Variants in MTUS2 observed in about 807,000 individuals in gnomAD.
MTUS2 encodes the protein microtubule associated scaffold protein 2.
MTUS2 carries 40 observed loss-of-function variants against 114.1 expected under a neutral mutation model. The ratio of observed to expected loss-of-function variants is 0.35; its 90% CI spans 0.27 to 0.46. The LOEUF (loss-of-function observed/expected upper bound fraction) is 0.46. MTUS2 is among the 20% of genes least tolerant of loss of function. MTUS2 has a pLI of 1.00. For synonymous variants in MTUS2, 688 were observed against 672.0 expected (o/e 1.02, Z -0.37); for missense variants, 1,679 against 1,705.4 (o/e 0.98, Z 0.27).
chr13:29,440,856 G>A (rs1159902487), intron 9 of MTUS2, among the ~76,000 whole-genome samples: 6 of 152,180 alleles, frequency 3.9e-5, no homozygotes, highest in African/African-American at 1.4e-4. Context: ...TCCTTGGCAA[G>A]TAGCCAGCCA....
chr13:29,352,770 G>A (rs1425108469), intron 7 of MTUS2, among the ~76,000 whole-genome samples: 1 of 152,114 alleles, frequency 6.6e-6, no homozygotes, highest in East Asian at 1.9e-4. Context: ...CATTTTGGTT[G>A]TTTCACTTTT....
At chr13:29,258,043 CTG>C (rs545463513) in intron 5 of MTUS2, among the ~76,000 whole-genome samples, 266 of 152,336 alleles carry the variant, frequency 1.7e-3, no homozygotes, top group Non-Finnish European at 3.1e-3. Context: ...TTTTCTATTG[CTG>C]CCTAACTAAT....
At chr13:29,266,717 G>A (rs1897680600) in intron 5 of MTUS2, among the ~76,000 whole-genome samples, 1 of 152,198 alleles carries the variant, frequency 6.6e-6, no homozygotes, top group African/African-American at 2.4e-5. Context: ...GAAGCTTTTA[G>A]AGAGTCTGGG....
intron 2 of MTUS2, among the ~76,000 whole-genome samples, chr13:28,969,449 A>T (rs1883750918): frequency 6.6e-6 from 1 of 152,082 alleles, no homozygotes; most frequent in Non-Finnish European, 1.5e-5. Flanking sequence ...ACCATGAAAT[A>T]TATTATTATG....
chr13:28,943,930 T>C (rs1882378223), intron 2 of MTUS2, among the ~76,000 whole-genome samples: 1 of 152,184 alleles, frequency 6.6e-6, no homozygotes. Flanking sequence ...AAAAAATCAA[T>C]TTACTTAACA....
intron 5 of MTUS2, among the ~76,000 whole-genome samples, chr13:29,131,066 G>A (rs1186785138): frequency 6.6e-6 from 1 of 152,364 alleles, no homozygotes; most frequent in East Asian, 1.9e-4. Context: ...TCACATAGGT[G>A]TTGAATGGAA....
At chr13:28,968,164 A>T (rs1356390704) in intron 2 of MTUS2, among the ~76,000 whole-genome samples, 1 of 151,888 alleles carries the variant, frequency 6.6e-6, no homozygotes, top group African/African-American at 2.4e-5. Context: ...ATTGTGTCTC[A>T]TTTTTTTCAT....
At chr13:28,879,551 G>A (rs1231230538) in intron 2 of MTUS2, among the ~76,000 whole-genome samples, 1 of 152,190 alleles carries the variant, frequency 6.6e-6, no homozygotes, top group Non-Finnish European at 1.5e-5. Flanking sequence ...GTGAACGGCT[G>A]ATGTTGAAAT....
At chr13:29,105,643 T>C (rs1890628879) in intron 5 of MTUS2, among the ~76,000 whole-genome samples, 2 of 107,528 alleles carry the variant, frequency 1.9e-5, no homozygotes, top group Non-Finnish European at 3.6e-5. Context: ...TAGAAGTTTT[T>C]CTCCTGTTTT....
At chr13:29,408,148 C>A (rs1874930060) in intron 8 of MTUS2, among the ~76,000 whole-genome samples, 1 of 151,756 alleles carries the variant, frequency 6.6e-6, no homozygotes, top group Non-Finnish European at 1.5e-5. Flanking sequence ...TTTTTAGTGT[C>A]TTTTCTAAAC....
intron 5 of MTUS2, among the ~76,000 whole-genome samples, chr13:29,121,511 G>A (rs1013854980): frequency 6.6e-5 from 10 of 152,004 alleles, no homozygotes; most frequent in Non-Finnish European, 1.2e-4. Flanking sequence ...ATAGATATGG[G>A]GAATTTTAAA....
At chr13:29,463,642 C>T (rs1879677253) in intron 9 of MTUS2, among the ~76,000 whole-genome samples, 1 of 152,176 alleles carries the variant, frequency 6.6e-6, no homozygotes, top group African/African-American at 2.4e-5. Flanking sequence ...CCCAGGTGCT[C>T]TGCCTCCTGA....
At chr13:29,338,915 C>T (rs1362396302) in intron 7 of MTUS2, among the ~76,000 whole-genome samples, 3 of 152,130 alleles carry the variant, frequency 2.0e-5, no homozygotes, top group African/African-American at 7.2e-5. Flanking sequence ...GTGGGCTCTG[C>T]AGGCTAAGGA....
chr13:28,851,134 A>G (rs1405137861), intron 2 of MTUS2, among the ~76,000 whole-genome samples: 2 of 152,094 alleles, frequency 1.3e-5, no homozygotes, highest in African/African-American at 2.4e-5. Context: ...TCTATGCTCT[A>G]TTTTGTCTTG....
At position 28,916,046 on chromosome 13, in the gene MTUS2, G is replaced by GA. The variant is rs879540098; in HGVS notation, c.-243+76204dup. ...TCCAGTTTTCCCAGCACCATTTATT[G>GA]AAAAAAAACTTTTTTCCCCCATTGT... On this transcript the variant is annotated intron_variant, in intron 2 of 15. Transcript: ENST00000612955. Among the ~76,000 whole-genome samples the GA allele has an allele frequency of 2.0e-3, 301 of 151,334 alleles. 1 individual carries two copies. Among genetic ancestry groups the GA allele is most frequent in the African/African-American group, 7.0e-3 (291 of 41,398 alleles).
chr13:29,210,985 G>T lies in MTUS2; in HGVS notation c.2645-70719G>T, dbSNP rs376229410. Reference sequence around the variant, plus strand: ...ACAAGCTTGCCCTAATGCCACCTGGGTGGTAAGTATTTGGTTTCTTTGGTG... The same window carrying T: ...ACAAGCTTGCCCTAATGCCACCTGGTTGGTAAGTATTTGGTTTCTTTGGTG... On this transcript the variant is annotated intron_variant, in intron 5 of 15. Coordinates refer to ENST00000612955, the MANE Select transcript of MTUS2 (RefSeq NM_001033602.4). 4.6e-5 allele frequency among the ~76,000 whole-genome samples: 7 copies of T among 151,310 alleles called. No homozygotes were observed. In the East Asian group the frequency reaches 7.7e-4, roughly 17 times the overall value.
chr13:28,939,640 C>T (rs1434022896), intron 2 of MTUS2, among the ~76,000 whole-genome samples: 1 of 151,796 alleles, frequency 6.6e-6, no homozygotes, highest in Non-Finnish European at 1.5e-5. Flanking sequence ...GCAATTTTTC[C>T]AAATAAAATT....
chr13:29,387,663 G>A (rs1157779366), intron 8 of MTUS2, among the ~76,000 whole-genome samples: 2 of 152,176 alleles, frequency 1.3e-5, no homozygotes, highest in African/African-American at 4.8e-5. Flanking sequence ...AAGCAGGAGC[G>A]AGGCGGGTGA....
In MTUS2 at chr13:29,503,361, C is replaced by G; in HGVS notation, c.*155C>G. Reference sequence around the variant, plus strand: ...GTCCTCCTCTGATCCCCGTGTAAGACTGCCCTGGTGTCGGCACTTAGGAAT... The same window carrying G: ...GTCCTCCTCTGATCCCCGTGTAAGAGTGCCCTGGTGTCGGCACTTAGGAAT... On this transcript the variant is annotated 3_prime_UTR_variant, in exon 16 of 16. Coordinates refer to ENST00000612955, the MANE Select transcript of MTUS2 (RefSeq NM_001033602.4). The G allele has an allele frequency of 1.3e-6, 1 of 766,270 alleles. No homozygotes were observed. Among genetic ancestry groups the G allele is most frequent in the Non-Finnish European group, 2.1e-6 (1 of 476,370 alleles). 47.5% of individuals were successfully genotyped at this position (766,270 alleles called of 1,614,324 possible).
Sources: allele counts gnomAD v4.1 joint callset (sites outside exome capture counted in the v4.1 genomes callset), GRCh38; gene constraint gnomAD v4.1.1; transcripts MANE v1.5; gene names NCBI Gene and HGNC (gene_info 2026-07-23, HGNC 2026-07-21).